RBFOX1: variants seen among roughly 807,000 people sequenced by gnomAD.
The protein encoded by RBFOX1 is RNA binding fox-1 homolog 1, also known as RNA binding protein fox-1 homolog 1.
RBFOX1 carries 8 observed loss-of-function variants against 57.7 expected under a neutral mutation model. The observed-to-expected ratio is 0.14, with a 90% CI of 0.08 to 0.25. The LOEUF (loss-of-function observed/expected upper bound fraction) is 0.25, where lower values mean the gene tolerates loss of function less well. Ranked by LOEUF, RBFOX1 falls within the 10% of genes least tolerant of loss-of-function variation. The pLI, the probability that RBFOX1 is intolerant of heterozygous loss-of-function variation, is 1.00. For missense variants in RBFOX1, 611 were observed against 548.5 expected (o/e 1.11, Z -1.14); for synonymous variants, 326 against 222.4 (o/e 1.47, Z -4.15).
At chr16:7,122,983 A>G (rs142505798) in intron 4 of RBFOX1, among the ~76,000 whole-genome samples, 2 of 152,188 alleles carry the variant, frequency 1.3e-5, no homozygotes, top group East Asian at 3.9e-4. Context: ...TTCCTATGAC[A>G]TCTGCAAGAA....
intron 2 of RBFOX1, among the ~76,000 whole-genome samples, chr16:5,579,894 G>T (rs2046603928): frequency 6.6e-6 from 1 of 151,896 alleles, no homozygotes; most frequent in South Asian, 2.1e-4. Flanking sequence ...CAAGTAGCTG[G>T]GATTACAGGT....
chr16:5,614,964 G>A (rs1165994436), intron 3 of RBFOX1, among the ~76,000 whole-genome samples: 3 of 152,192 alleles, frequency 2.0e-5, no homozygotes, highest in Non-Finnish European at 2.9e-5. Context: ...AGTGATGAGA[G>A]ATGGGTGGGG....
chr16:6,945,995 C>G (rs1027148360), intron 3 of RBFOX1, among the ~76,000 whole-genome samples: 2 of 152,190 alleles, frequency 1.3e-5, no homozygotes, highest in Non-Finnish European at 2.9e-5. Context: ...GGCCTGAGGT[C>G]TTTCTGGAGC....
rs191120669 is a variant in RBFOX1, at chr16:7,478,505, G to A, written c.28-39642G>A. On this transcript the variant is annotated intron_variant, in intron 4 of 15. Transcript: ENST00000550418. ...GGCTGCAGTTTGCAGAGGCTAGAGAGGGGGAGTCCCTGGTACCATGTCTGA... is the reference window on the plus strand; with the variant it reads ...GGCTGCAGTTTGCAGAGGCTAGAGAAGGGGAGTCCCTGGTACCATGTCTGA... Among the ~76,000 whole-genome samples, 15 of 152,320 alleles carry A rather than the reference G, an allele frequency of 9.8e-5. No individual in the cohort carries two copies. The East Asian group carries it at 2.7e-3, about 27-fold the overall frequency.
chr16:6,962,978 G>C (rs1178837144), intron 3 of RBFOX1, among the ~76,000 whole-genome samples: 1 of 152,144 alleles, frequency 6.6e-6, no homozygotes, highest in Non-Finnish European at 1.5e-5. Flanking sequence ...GCATGGCAAA[G>C]GAGAAAAAGA....
intron 3 of RBFOX1, among the ~76,000 whole-genome samples, chr16:6,896,634 C>G (rs34268805): frequency 1.3e-5 from 2 of 152,152 alleles, no homozygotes; most frequent in Non-Finnish European, 2.9e-5. Flanking sequence ...GACGGTATTT[C>G]AAACGCACTT....
intron 9 of RBFOX1, among the ~76,000 whole-genome samples, chr16:7,604,739 G>T (rs1424750334): frequency 6.6e-6 from 1 of 152,144 alleles, no homozygotes; most frequent in Non-Finnish European, 1.5e-5. Context: ...GAAAATGAGA[G>T]ATCATTGGCA....
chr16:6,550,750 A>C (rs979048767), intron 2 of RBFOX1, among the ~76,000 whole-genome samples: 1 of 152,196 alleles, frequency 6.6e-6, no homozygotes, highest in Admixed American at 6.5e-5. Context: ...TACCTACTTC[A>C]GTTTTAGTTT....
chr16:7,706,846 C>T (rs1158432150), intron 14 of RBFOX1, among the ~76,000 whole-genome samples: 1 of 152,146 alleles, frequency 6.6e-6, no homozygotes, highest in African/African-American at 2.4e-5. Flanking sequence ...TTACTATGTA[C>T]TTCTAGTTAA....
intron 3 of RBFOX1, among the ~76,000 whole-genome samples, chr16:6,694,599 C>G (rs2060736861): frequency 1.3e-5 from 2 of 152,126 alleles, no homozygotes; most frequent in South Asian, 2.1e-4. Context: ...GGAACTCAGT[C>G]TCATGTTTGC....
At chr16:6,692,309 G>A (rs1450911830) in intron 3 of RBFOX1, among the ~76,000 whole-genome samples, 3 of 146,446 alleles carry the variant, frequency 2.0e-5, no homozygotes, top group Non-Finnish European at 4.5e-5. Context: ...TAACATTAAA[G>A]AGCAGATGTC....
rs148537721 is a variant in RBFOX1 at position 5,456,373 on chromosome 16, T to G, written c.220-10843T>G. The stretch of plus-strand genomic sequence containing the variant: ...ACTCGCCTTGTCTGTCATCATGTTT[T>G]CCACCTCCCATGGGTTACCTTCTTT... On this transcript the variant is annotated intron_variant, in intron 1 of 2. Coordinates refer to the RBFOX1 transcript ENST00000585867. Among the ~76,000 whole-genome samples, 354 of 152,352 alleles carry G rather than the reference T, an allele frequency of 2.3e-3. 4 individuals carry two copies. The highest frequency in any genetic ancestry group is 7.9e-3 in the African/African-American group (329 of 41,584).
chr16:6,855,068 G>C (rs1231989414), intron 3 of RBFOX1, among the ~76,000 whole-genome samples: 1 of 152,046 alleles, frequency 6.6e-6, no homozygotes, highest in Non-Finnish European at 1.5e-5. Context: ...CCTGAGAGGA[G>C]AGAGTGATGA....
chr16:7,463,921 A>G (rs1017128268), intron 4 of RBFOX1, among the ~76,000 whole-genome samples: 1 of 152,172 alleles, frequency 6.6e-6, no homozygotes, highest in African/African-American at 2.4e-5. Flanking sequence ...CTCATTTTAC[A>G]TGTATATTTT....
intron 4 of RBFOX1, among the ~76,000 whole-genome samples, chr16:7,188,777 G>C (rs1206358114): frequency 2.0e-5 from 3 of 152,186 alleles, no homozygotes; most frequent in African/African-American, 4.8e-5. Flanking sequence ...AAGACCGCAA[G>C]AGCTGGTATA....
At chr16:7,160,391 A>G (rs983847220) in intron 4 of RBFOX1, among the ~76,000 whole-genome samples, 1 of 152,010 alleles carries the variant, frequency 6.6e-6, no homozygotes, top group Non-Finnish European at 1.5e-5. Flanking sequence ...TCTCTTCTGT[A>G]CTTTTCATCT....
chr16:6,770,548 T>C (rs1479235895), intron 3 of RBFOX1, among the ~76,000 whole-genome samples: 1 of 152,168 alleles, frequency 6.6e-6, no homozygotes, highest in Non-Finnish European at 1.5e-5. Flanking sequence ...TTACGGAAGA[T>C]GTTCGTCAAC....
At chr16:6,231,102 AG>A (rs2097455848) in intron 1 of RBFOX1, among the ~76,000 whole-genome samples, 1 of 152,150 alleles carries the variant, frequency 6.6e-6, no homozygotes, top group Admixed American at 6.6e-5. Flanking sequence ...TGGCCAGGAA[AG>A]GTTTTTTGGA....
intron 3 of RBFOX1, among the ~76,000 whole-genome samples, chr16:5,823,114 C>T (rs1010793203): frequency 2.6e-5 from 4 of 152,180 alleles, no homozygotes; most frequent in Non-Finnish European, 4.4e-5. Flanking sequence ...TTAAACCCTT[C>T]TGCCTACCCA....
Sources: allele counts gnomAD v4.1 joint callset (sites outside exome capture counted in the v4.1 genomes callset), GRCh38; gene constraint gnomAD v4.1.1; transcripts MANE v1.5; gene names NCBI Gene and HGNC (gene_info 2026-07-23, HGNC 2026-07-21).